ASAP1: variants seen among roughly 807,000 people sequenced by gnomAD.
ASAP1 encodes ArfGAP with SH3 domain, ankyrin repeat and PH domain 1.
In ASAP1, 43 loss-of-function variants were observed where a neutral mutation model predicts 145.2. The ratio of observed to expected loss-of-function variants is 0.30; its 90% CI spans 0.23 to 0.38. ASAP1 has a LOEUF of 0.38. Ranked by LOEUF, ASAP1 falls within the 10% of genes least tolerant of loss-of-function variation. The pLI is 1.00. For missense variants in ASAP1, 1,018 were observed against 1,355.3 expected, an observed-to-expected ratio of 0.75 and a Z score of 3.91; for synonymous variants, 546 against 515.5, an observed-to-expected ratio of 1.06 and a Z score of -0.80.
chr8:130,399,540 C>T (rs906613292), intron 2 of ASAP1, among the ~76,000 whole-genome samples: 4 of 152,078 alleles, frequency 2.6e-5, no homozygotes, highest in African/African-American at 4.8e-5. Context: ...CCCTGGAAGG[C>T]GGTATCATGT....
chr8:130,148,689 A>C (rs1250509342), intron 13 of ASAP1, among the ~76,000 whole-genome samples: 1 of 152,254 alleles, frequency 6.6e-6, no homozygotes, highest in Non-Finnish European at 1.5e-5. Flanking sequence ...TATGTCAACT[A>C]TAATTCTTAT....
At chr8:130,359,618 G>GTTTTTT (rs35447783) in intron 2 of ASAP1, among the ~76,000 whole-genome samples, 1 of 134,164 alleles carries the variant, frequency 7.5e-6, no homozygotes, top group Admixed American at 7.4e-5. Context: ...ATCTTGCACT[G>GTTTTTT]TTTTTTTTTT....
At chr8:130,268,490 AACACACACAC>A (rs113714700) in intron 3 of ASAP1, among the ~76,000 whole-genome samples, 1,969 of 133,190 alleles carry the variant, frequency 0.015, 21 homozygotes, top group Non-Finnish European at 0.022. Flanking sequence ...CCCGTCTTAA[AACACACACAC>A]ACACACACAC....
chr8:130,158,508 C>A (rs1008120403), intron 12 of ASAP1, among the ~76,000 whole-genome samples: 1 of 152,020 alleles, frequency 6.6e-6, no homozygotes, highest in African/African-American at 2.4e-5. Context: ...AGAGCAAGGT[C>A]CTGTCCCCTC....
chr8:130,067,842 C>T (rs918281637), intron 27 of ASAP1, among the ~76,000 whole-genome samples: 4 of 152,324 alleles, frequency 2.6e-5, no homozygotes, highest in East Asian at 1.9e-4. Flanking sequence ...TTGTCCTTTA[C>T]ACCCAAAGAT....
intron 13 of ASAP1, among the ~76,000 whole-genome samples, chr8:130,142,882 G>T (rs145087396): frequency 6.6e-5 from 10 of 152,076 alleles, no homozygotes; most frequent in African/African-American, 2.4e-4. Flanking sequence ...TGGGGTGGTG[G>T]GGGGGCAGTT....
intron 5 of ASAP1, among the ~76,000 whole-genome samples, chr8:130,199,625 C>A (rs1586578267): frequency 6.6e-6 from 1 of 152,314 alleles, no homozygotes; most frequent in South Asian, 2.1e-4. Flanking sequence ...AGGCAGGTCA[C>A]TTTTTGTTTC....
intron 3 of ASAP1, among the ~76,000 whole-genome samples, chr8:130,272,128 C>T (rs1231352353): frequency 6.6e-6 from 1 of 151,962 alleles, no homozygotes; most frequent in Non-Finnish European, 1.5e-5. Flanking sequence ...CACACCACTG[C>T]ACTACAGCCT....
intron 2 of ASAP1, among the ~76,000 whole-genome samples, chr8:130,378,560 T>C (rs1024592006): frequency 6.6e-6 from 1 of 152,068 alleles, no homozygotes; most frequent in East Asian, 1.9e-4. Flanking sequence ...CAGGGAGGGA[T>C]TGGAGCTGAG....
At chr8:130,357,749 C>T (rs1315603172) in intron 3 of ASAP1, among the ~76,000 whole-genome samples, 2 of 152,266 alleles carry the variant, frequency 1.3e-5, no homozygotes, top group African/African-American at 2.4e-5. Flanking sequence ...GACAGGACTT[C>T]CATCTTCTGT....
chr8:130,437,467 A>G (rs185837386), intron 1 of ASAP1, among the ~76,000 whole-genome samples: 53 of 152,350 alleles, frequency 3.5e-4, no homozygotes, highest in Admixed American at 3.5e-3. Flanking sequence ...TGGTGACTAC[A>G]GTAGACCCCA....
At chr8:130,273,142 G>A in intron 3 of ASAP1, among the ~76,000 whole-genome samples, 1 of 152,116 alleles carries the variant, frequency 6.6e-6, no homozygotes, top group Non-Finnish European at 1.5e-5. Context: ...GTATCAATAA[G>A]AACAGAGGGG....
chr8:130,085,760 A>G (rs2097491588), intron 25 of ASAP1, among the ~76,000 whole-genome samples: 1 of 146,134 alleles, frequency 6.8e-6, no homozygotes, highest in African/African-American at 2.5e-5. Flanking sequence ...AAAAAAGGAA[A>G]GAGGTTCAAT....
chr8:130,396,858 G>A (rs567735951), intron 2 of ASAP1, among the ~76,000 whole-genome samples: 1 of 152,322 alleles, frequency 6.6e-6, no homozygotes, highest in South Asian at 2.1e-4. Flanking sequence ...GGTTTCTCAT[G>A]GGCTTGGTTG....
Position 130,093,784 on chromosome 8 carries a change from A to G in ASAP1, c.2402-1641T>C, listed in dbSNP as rs1478703988. Among the ~76,000 whole-genome samples the G allele has an allele frequency of 4.0e-5, 5 of 123,842 alleles. 1 individual carries two copies. The South Asian group carries it at 1.4e-3, about 35-fold the overall frequency. 81.2% of individuals were successfully genotyped at this position (123,842 alleles called of 152,430 possible). Reference sequence around the variant, plus strand: ...TCCAAAAGAGCTTTATACACTCTTCATATTAAAAAAAAAAGTCTAATTACT... The same window carrying G: ...TCCAAAAGAGCTTTATACACTCTTCGTATTAAAAAAAAAAGTCTAATTACT... On this transcript the variant is annotated intron_variant, in intron 24 of 29. Transcript: ENST00000518721.
At chr8:130,057,732 G>A (rs554052092) in intron 29 of ASAP1, among the ~76,000 whole-genome samples, 14 of 152,326 alleles carry the variant, frequency 9.2e-5, no homozygotes, top group Admixed American at 1.3e-4. Flanking sequence ...ACAGGCGTGA[G>A]CCACTGTGCC....
rs1324025916 is a variant in ASAP1 at position 130,140,663 on chromosome 8, C to A, written c.1081-3625G>T. Among the ~76,000 whole-genome samples the A allele has an allele frequency of 3.9e-5, 6 of 152,176 alleles. 1 individual carries two copies. Among genetic ancestry groups the A allele is most frequent in the Admixed American group, 3.9e-4 (6 of 15,278 alleles). On this transcript the variant is annotated intron_variant, in intron 13 of 29. Transcript: ENST00000518721. Reference sequence around the variant, plus strand: ...TGATGTTTATTCTCTTAGAAGTTTGCCAAATCTACTAGACTGACTTTTGCT... The same window carrying A: ...TGATGTTTATTCTCTTAGAAGTTTGACAAATCTACTAGACTGACTTTTGCT...
intron 1 of ASAP1, among the ~76,000 whole-genome samples, chr8:130,434,639 C>T (rs1225988893): frequency 6.6e-6 from 1 of 152,156 alleles, no homozygotes; most frequent in Non-Finnish European, 1.5e-5. Context: ...GAAAGAATGA[C>T]CTAGCCAAAG....
At chr8:130,336,726 T>G (rs1825059518) in intron 3 of ASAP1, among the ~76,000 whole-genome samples, 1 of 152,210 alleles carries the variant, frequency 6.6e-6, no homozygotes, top group Non-Finnish European at 1.5e-5. Flanking sequence ...AGTCTTCATT[T>G]TGACATAAGT....
Sources: allele counts gnomAD v4.1 joint callset (sites outside exome capture counted in the v4.1 genomes callset), GRCh38; gene constraint gnomAD v4.1.1; transcripts MANE v1.5; gene names NCBI Gene and HGNC (gene_info 2026-07-23, HGNC 2026-07-21).